The following TBC1D19 variants were observed in gnomAD, a reference collection of about 807,000 sequenced individuals.
TBC1D19 encodes the protein TBC1 domain family member 19.
A neutral mutation model predicts 89.0 loss-of-function variants in TBC1D19; 60 were observed. The ratio of observed to expected loss-of-function variants is 0.67; its 90% CI spans 0.55 to 0.84. The LOEUF (loss-of-function observed/expected upper bound fraction) is 0.84. Among genes scored for constraint, TBC1D19 ranks in the 40% least tolerant of loss-of-function variants. TBC1D19 has a pLI of 0.00. For missense variants in TBC1D19, 500 were observed against 610.8 expected (o/e 0.82, Z 1.91); for synonymous variants, 189 against 199.7 (o/e 0.95, Z 0.45).
At chr4:26,810,607 G>T in the TBC1D19 span, among the ~76,000 whole-genome samples, 1 of 151,914 alleles carries the variant, frequency 6.6e-6, no homozygotes, top group African/African-American at 2.4e-5. Flanking sequence ...CTTGCCCTGC[G>T]CCATGCTGTT....
At chr4:26,576,979 A>T (rs1037799903) in intron 1 of TBC1D19, 5 of 402,504 alleles carry the variant, frequency 1.2e-5, no homozygotes, top group African/African-American at 4.1e-5. Flanking sequence ...AAACATTTAC[A>T]GTCAGTTGAC....
chr4:26,640,500 C>T (rs567142209), intron 7 of TBC1D19, among the ~76,000 whole-genome samples: 29 of 152,228 alleles, frequency 1.9e-4, no homozygotes, highest in South Asian at 2.1e-4. Flanking sequence ...ACACAGAAGA[C>T]GGGTGATTTC....
At position 26,733,387 on chromosome 4, in the gene TBC1D19, G is replaced by A. The variant is rs187533031; in HGVS notation, c.1085-2068G>A. Among the ~76,000 whole-genome samples the A allele has an allele frequency of 4.6e-5, 7 of 152,194 alleles. No homozygotes were observed. The South Asian group carries it at 1.2e-3, about 27-fold the overall frequency. On this transcript the variant is annotated intron_variant, in intron 15 of 20. Coordinates refer to ENST00000264866, the MANE Select transcript of TBC1D19 (RefSeq NM_018317.4). ...CTGTTATCTCATTTAATCATATTAT[G>A]TGAGTTCTAGCGTTATCTCTGATTT...
At chr4:26,780,850 C>A in the TBC1D19 span, among the ~76,000 whole-genome samples, 1 of 152,178 alleles carries the variant, frequency 6.6e-6, no homozygotes, top group African/African-American at 2.4e-5. Flanking sequence ...CAATTGAGGA[C>A]AATGGAGGAA....
Position 26,659,678 on chromosome 4 carries a change from C to T in TBC1D19, c.562C>T (p.Pro188Ser). 6.3e-7 allele frequency: 1 copy of T among 1,587,546 alleles called. No homozygotes were observed. The highest frequency in any genetic ancestry group is 2.3e-5 in the East Asian group (1 of 44,442). ...FRTHLGLIQV[P>S]LKVKDIPELK... ...GACTCATTTGGGTTTAATTCAAGTT[C>T]CACTGAAAGTAAAAGACATCCCTGA... Residue 188 changes from proline to serine, a missense_variant, in exon 8 of 21, where the codon CCA (proline) becomes TCA (serine). Physicochemically the swap from Pro to Ser is moderately conservative, Grantham distance 74 (BLOSUM62 -1). Transcript: ENST00000264866.
chr4:26,626,709 T>C (rs1335239395), intron 4 of TBC1D19, among the ~76,000 whole-genome samples: 2 of 152,058 alleles, frequency 1.3e-5, no homozygotes, highest in Non-Finnish European at 2.9e-5. Flanking sequence ...ATAATTTTGT[T>C]AATTTTGCAT....
the TBC1D19 span, among the ~76,000 whole-genome samples, chr4:26,772,836 G>C: frequency 4.6e-5 from 7 of 152,128 alleles, no homozygotes; most frequent in African/African-American, 1.4e-4. Flanking sequence ...TGGCGTATAT[G>C]TGCCACATTT....
At chr4:26,843,705 T>C in the TBC1D19 span, among the ~76,000 whole-genome samples, 3 of 152,222 alleles carry the variant, frequency 2.0e-5, no homozygotes, top group South Asian at 6.2e-4. Context: ...TGTGTTGCTA[T>C]AAAGGTGTAC....
At chr4:26,791,089 C>T in the TBC1D19 span, among the ~76,000 whole-genome samples, 2 of 152,080 alleles carry the variant, frequency 1.3e-5, no homozygotes, top group Non-Finnish European at 2.9e-5. Context: ...TCTCTGTGCA[C>T]TCCCAAATCC....
intron 7 of TBC1D19, among the ~76,000 whole-genome samples, chr4:26,652,174 C>A (rs1744439019): frequency 6.6e-6 from 1 of 152,018 alleles, no homozygotes; most frequent in Non-Finnish European, 1.5e-5. Context: ...CCAAAATTCT[C>A]TTTTTTTGTT....
the TBC1D19 span, among the ~76,000 whole-genome samples, chr4:26,851,335 A>ATCTATCTATCTATCTC: frequency 6.8e-5 from 7 of 103,234 alleles, no homozygotes; most frequent in African/African-American, 2.6e-4. Context: ...CTATCTATCT[A>ATCTATCTATCTATCTC]TCTATCTATC....
intron 13 of TBC1D19, among the ~76,000 whole-genome samples, chr4:26,695,222 G>A (rs1037599380): frequency 2.6e-5 from 4 of 152,198 alleles, no homozygotes; most frequent in African/African-American, 9.7e-5. Context: ...ACAAGCTTCA[G>A]TAGCCAATTC....
Position 26,589,085 on chromosome 4 carries a change from G to A in TBC1D19, c.99+4793G>A, listed in dbSNP as rs141777140. On this transcript the variant is annotated intron_variant, in intron 1 of 20. Coordinates refer to ENST00000264866, the MANE Select transcript of TBC1D19 (RefSeq NM_018317.4). ...AGGCCAGGAGTTTGAGACCAGCCTCGCCAACATGGTGAAACCCTGTCTCTA... is the reference window on the plus strand; with the variant it reads ...AGGCCAGGAGTTTGAGACCAGCCTCACCAACATGGTGAAACCCTGTCTCTA... 3.3e-3 allele frequency among the ~76,000 whole-genome samples: 497 copies of A among 152,164 alleles called. 1 individual carries two copies. The highest frequency in any genetic ancestry group is 0.012 in the African/African-American group (479 of 41,524).
At chr4:26,805,482 C>T in the TBC1D19 span, among the ~76,000 whole-genome samples, 1 of 152,314 alleles carries the variant, frequency 6.6e-6, no homozygotes, top group East Asian at 1.9e-4. Context: ...AGTCCTTCCT[C>T]AGGCCGTGCC....
chr4:26,735,108 A>C (rs184197679), intron 15 of TBC1D19, among the ~76,000 whole-genome samples: 1 of 151,024 alleles, frequency 6.6e-6, no homozygotes, highest in Non-Finnish European at 1.5e-5. Context: ...ATATATGTAT[A>C]TATGTATACA....
the TBC1D19 span, among the ~76,000 whole-genome samples, chr4:26,773,845 A>G: frequency 6.6e-6 from 1 of 152,086 alleles, no homozygotes; most frequent in East Asian, 1.9e-4. Flanking sequence ...TTGTACCAGT[A>G]CTATGCAGTT....
chr4:26,707,858 T>C (rs955857695), intron 13 of TBC1D19, among the ~76,000 whole-genome samples: 3 of 152,048 alleles, frequency 2.0e-5, no homozygotes, highest in African/African-American at 7.2e-5. Context: ...CCCTTTCACT[T>C]GATGATATCA....
intron 1 of TBC1D19, among the ~76,000 whole-genome samples, chr4:26,610,144 G>C (rs1424693317): frequency 6.6e-6 from 1 of 151,950 alleles, no homozygotes; most frequent in South Asian, 2.1e-4. Context: ...GACTAAATGT[G>C]GGACTTTAAA....
At chr4:26,585,965 A>G (rs536982787) in intron 1 of TBC1D19, among the ~76,000 whole-genome samples, 4 of 152,234 alleles carry the variant, frequency 2.6e-5, no homozygotes, top group East Asian at 3.9e-4. Context: ...ATAAATTTTT[A>G]TCAATTGTTT....
Sources: gnomAD v4.1 joint callset for allele counts (sites outside exome capture counted in the v4.1 genomes callset) on GRCh38, gnomAD v4.1.1 for gene constraint, MANE v1.5 for transcripts, NCBI Gene and HGNC (gene_info 2026-07-23, HGNC 2026-07-21) for gene names.